The following TMPRSS3 variants were observed in gnomAD, a reference collection of about 807,000 sequenced individuals.
TMPRSS3 encodes transmembrane protease serine 3.
TMPRSS3 carries 55 observed loss-of-function variants against 59.6 expected under a neutral mutation model. That is an observed-to-expected ratio of 0.92 (90% confidence interval 0.74 to 1.16). TMPRSS3 has a LOEUF of 1.16. TMPRSS3 is among the 50% of genes most tolerant of loss of function. The pLI, the probability that TMPRSS3 is intolerant of heterozygous loss-of-function variation, is 0.00. For synonymous variants in TMPRSS3, 257 were observed against 237.7 expected (o/e 1.08, Z -0.75); for missense variants, 596 against 579.4 (o/e 1.03, Z -0.29).
chr21:42,376,458 T>G (rs2052429319), intron 11 of TMPRSS3, 83 bp downstream of exon 11: 3 of 1,585,550 alleles, frequency 1.9e-6, no homozygotes, highest in Non-Finnish European at 2.6e-6. Context: ...CTTTTTGTCC[T>G]GTCACAGGGA....
At position 42,389,949 on chromosome 21, in the gene TMPRSS3, T is replaced by C; in HGVS notation, c.183A>G (p.Leu61=). ...CACTGCCCAGACCAATGGCCAGTGCTAATATCAATGCAATGATCCCAATGA... is the reference window on the plus strand; with the variant it reads ...CACTGCCCAGACCAATGGCCAGTGCCAATATCAATGCAATGATCCCAATGA... ...IIVIGIIALI[L]ALAIGLGIHF... Residue 61 remains leucine (L), a synonymous_variant, in exon 3 of 13, where the codon TTA becomes TTG. Coordinates refer to ENST00000644384, the MANE Select transcript of TMPRSS3 (RefSeq NM_001256317.3). 1 of 1,613,628 alleles carries C rather than the reference T, an allele frequency of 6.2e-7. No individual in the cohort carries two copies.
At chr21:42,395,534 G>T in intron 1 of TMPRSS3, 66 bp from the exon 2 acceptor site, 2 of 893,878 alleles carry the variant, frequency 2.2e-6, no homozygotes, top group South Asian at 2.8e-5. Flanking sequence ...GGTGCATCTT[G>T]GTCATACGGT....
intron 5 of TMPRSS3, 149 bp from the exon 6 acceptor site, chr21:42,385,683 G>A (rs958597476): frequency 5.0e-5 from 53 of 1,063,374 alleles, no homozygotes; most frequent in Non-Finnish European, 6.8e-5. Context: ...TTTGCCAAGA[G>A]AATGAAGTTC....
At chr21:42,373,845 G>A (rs908203126) in intron 12 of TMPRSS3, among the ~76,000 whole-genome samples, 14 of 152,170 alleles carry the variant, frequency 9.2e-5, no homozygotes, top group African/African-American at 1.4e-4. Context: ...CGTTGTGAGC[G>A]GGCTCCCCAG....
intron 3 of TMPRSS3, 128 bp from the exon 4 acceptor site, chr21:42,389,173 C>T (rs1209524854): frequency 6.5e-7 from 1 of 1,529,398 alleles, no homozygotes; most frequent in Non-Finnish European, 8.8e-7. Flanking sequence ...AATTGCGTCC[C>T]TGTCAGCAGC....
intron 10 of TMPRSS3, 136 bp downstream of exon 10, chr21:42,379,981 C>A (rs2146430183): frequency 2.7e-6 from 2 of 730,578 alleles, no homozygotes; most frequent in East Asian, 5.4e-5. Flanking sequence ...GTGTCCCGAG[C>A]AGCTGACATG....
At position 42,381,509 on chromosome 21, in the gene TMPRSS3, T is replaced by C. The variant is rs2052528090; in HGVS notation, c.952+556A>G. On this transcript the variant is annotated intron_variant, in intron 9 of 12. Transcript: ENST00000644384. ...GAGTGACCCCTCCACAATAGGCTCC[T>C]GGACAGGAAAGTGCTCTTTGTCCCT... 3.9e-5 allele frequency among the ~76,000 whole-genome samples: 6 copies of C among 152,344 alleles called. No homozygotes were observed. The South Asian group carries it at 8.3e-4, about 21-fold the overall frequency.
At chr21:42,395,669 C>CAAAAAAAAAAAAAAAAAA in intron 1 of TMPRSS3, 1 of 241,384 alleles carries the variant, frequency 4.1e-6, no homozygotes, top group African/African-American at 3.5e-5. Flanking sequence ...CTAGAATTAG[C>CAAAAAAAAAAAAAAAAAA]AAAAAAAAAA....
intron 8 of TMPRSS3, 153 bp downstream of exon 8, chr21:42,382,880 A>C: frequency 1.1e-6 from 1 of 900,784 alleles, no homozygotes; most frequent in Non-Finnish European, 1.8e-6. Flanking sequence ...ATGGGTCCAC[A>C]GTGAGGCTGG....
intron 5 of TMPRSS3, among the ~76,000 whole-genome samples, chr21:42,387,644 G>A (rs2052657891): frequency 6.6e-6 from 1 of 152,092 alleles, no homozygotes; most frequent in African/African-American, 2.4e-5. Context: ...GAGGACTCAG[G>A]GCAGTGTGGC....
At chr21:42,378,648 A>C (rs2146427595) in intron 10 of TMPRSS3, among the ~76,000 whole-genome samples, 1 of 152,350 alleles carries the variant, frequency 6.6e-6, no homozygotes, top group African/African-American at 2.4e-5. Context: ...GAAAGGGGTC[A>C]GAGCCTCCAG....
rs1162024296 is a variant in TMPRSS3, at chr21:42,372,151, A to C, written c.*611T>G. On this transcript the variant is annotated 3_prime_UTR_variant, in exon 13 of 13. Transcript: ENST00000644384. ...TTGGTGGCTTTGCACGTGAGGTCAC[A>C]TAACTGCTTATCTCGTCAGGAATTT... is the stretch of plus-strand genomic sequence containing the variant. 4.4e-6 allele frequency: 2 copies of C among 453,042 alleles called. No homozygotes were observed. 28.1% of individuals were successfully genotyped at this position (453,042 alleles called of 1,614,324 possible).
At chr21:42,379,976 C>T (rs945813229) in intron 10 of TMPRSS3, 141 bp downstream of exon 10, 10 of 718,766 alleles carry the variant, frequency 1.4e-5, no homozygotes, top group Non-Finnish European at 2.5e-5. Context: ...TGACTGTGTC[C>T]CGAGCAGCTG....
chr21:42,385,386 A>C, intron 6 of TMPRSS3, 23 bp downstream of exon 6: 1 of 1,613,652 alleles, frequency 6.2e-7, no homozygotes, highest in South Asian at 1.1e-5. Context: ...CTGTGCAGAC[A>C]ACAGCATCGC....
chr21:42,375,916 C>T (rs200812944), intron 11 of TMPRSS3, 48 bp from the exon 12 acceptor site: 33 of 1,609,114 alleles, frequency 2.1e-5, no homozygotes, highest in African/African-American at 1.1e-4. Context: ...CACCGCCATG[C>T]GAGATTGCTT....
intron 2 of TMPRSS3, among the ~76,000 whole-genome samples, chr21:42,392,646 T>C (rs2052747809): frequency 6.6e-6 from 1 of 152,196 alleles, no homozygotes; most frequent in Admixed American, 6.5e-5. Context: ...TCTGCGGTGG[T>C]GAGCTGGCAG....
In TMPRSS3 at chr21:42,395,397, A is replaced by T. The variant is rs143981919; in HGVS notation, c.21T>A (p.Pro7=). 3.7e-5 allele frequency: 59 copies of T among 1,614,082 alleles called. No homozygotes were observed. Among genetic ancestry groups the T allele is most frequent in the Non-Finnish European group, 4.9e-5 (58 of 1,180,028 alleles). ...GGAATGAGAAGGGGGCTTCAACAGC[A>T]GGCGGATCATTTTCCCCCATGGTGA... MGENDP[P]AVEAPFSFRS... is the part of the protein sequence containing the mutation. Residue 7 remains proline, a synonymous_variant, in exon 2 of 13, where the codon CCT becomes CCA. Coordinates refer to ENST00000644384, the MANE Select transcript of TMPRSS3 (RefSeq NM_001256317.3).
At position 42,388,295 on chromosome 21, in the gene TMPRSS3, CT is replaced by C; in HGVS notation, c.446+107del. ...CCTAAGGTGGATGTGAGGATGTAAT[CT>C]GAGAGCGTTAAAGCACCCAATAGTG... On this transcript the variant is annotated intron_variant, in intron 5 of 12. Coordinates refer to ENST00000644384, the MANE Select transcript of TMPRSS3 (RefSeq NM_001256317.3). The surrounding 1 kb of genome is among the most constrained non-coding windows in gnomAD (Gnocchi z 5.1). The C allele has an allele frequency of 6.8e-7, 1 of 1,467,868 alleles. No individual in the cohort carries two copies. The highest frequency in any genetic ancestry group is 9.5e-7 in the Non-Finnish European group (1 of 1,051,648). 90.9% of individuals were successfully genotyped at this position (1,467,868 alleles called of 1,614,324 possible).
intron 3 of TMPRSS3, among the ~76,000 whole-genome samples, chr21:42,389,371 C>T (rs1359152497): frequency 1.3e-5 from 2 of 152,180 alleles, no homozygotes; most frequent in African/African-American, 2.4e-5. Context: ...AGCAAGGAGT[C>T]CTGACTGAGA....
Sources: allele counts gnomAD v4.1 joint callset (sites outside exome capture counted in the v4.1 genomes callset), GRCh38; gene constraint gnomAD v4.1.1; non-coding constraint Gnocchi (gnomAD v3.1); transcripts MANE v1.5; gene names NCBI Gene and HGNC (gene_info 2026-07-23, HGNC 2026-07-21).